DEPDC5: variants seen among roughly 807,000 people sequenced by gnomAD.
The protein encoded by DEPDC5 is GATOR1 complex protein DEPDC5.
Under a neutral mutation model 217.3 loss-of-function variants are expected in DEPDC5, and 73 were observed. The observed-to-expected ratio is 0.34, with a 90% CI of 0.28 to 0.41. DEPDC5 has a LOEUF of 0.41. Among genes scored for constraint, DEPDC5 ranks in the 10% least tolerant of loss-of-function variants. The pLI is 1.00. For missense variants in DEPDC5, 1,675 were observed against 2,070.1 expected, an observed-to-expected ratio of 0.81 and a Z score of 3.70; for synonymous variants, 733 against 756.7, an observed-to-expected ratio of 0.97 and a Z score of 0.51.
At chr22:31,805,484 T>C (rs2087402329) in intron 17 of DEPDC5, among the ~76,000 whole-genome samples, 3 of 152,008 alleles carry the variant, frequency 2.0e-5, no homozygotes, top group African/African-American at 7.2e-5. Flanking sequence ...TCTATCCTTC[T>C]CTGGGTTGTC....
At chr22:31,850,541 G>C (rs908452721) in intron 31 of DEPDC5, among the ~76,000 whole-genome samples, 1 of 152,166 alleles carries the variant, frequency 6.6e-6, no homozygotes, top group African/African-American at 2.4e-5. Flanking sequence ...TACATACAGG[G>C]CTTGGTACTA....
intron 2 of DEPDC5, among the ~76,000 whole-genome samples, chr22:31,757,035 G>A (rs1213800996): frequency 1.3e-5 from 2 of 151,862 alleles, no homozygotes; most frequent in Non-Finnish European, 2.9e-5. Context: ...TCCCTAAAGA[G>A]TTTTCAGTTT....
chr22:31,864,954 G>T (rs1010441468), intron 33 of DEPDC5, among the ~76,000 whole-genome samples: 7 of 141,506 alleles, frequency 4.9e-5, no homozygotes, highest in African/African-American at 2.2e-4. Context: ...GCCTCCCAAA[G>T]TGCTGGGATT....
chr22:31,897,114 C>CA (rs370146591), intron 39 of DEPDC5, among the ~76,000 whole-genome samples: 4,479 of 139,608 alleles, frequency 0.032, 64 homozygotes, highest in Middle Eastern at 0.056. Context: ...AAGACTGTCT[C>CA]AAAAAAAAAA....
At position 31,754,890 on chromosome 22, in the gene DEPDC5, C is replaced by T; in HGVS notation, c.-32C>T. 6.2e-7 allele frequency: 1 copy of T among 1,613,628 alleles called. No individual in the cohort carries two copies. ...GGCAAGATGACTTCTCTGCCCCAAG[C>T]TTGGAACAGCTAAAGGGAAAAACAG... On this transcript the variant is annotated 5_prime_UTR_variant, in exon 2 of 43. Transcript: ENST00000651528.
chr22:31,806,245 T>C lies in DEPDC5; in HGVS notation c.1287+54T>C, dbSNP rs1006536296. On this transcript the variant is annotated intron_variant, in intron 18 of 42. Coordinates refer to ENST00000651528, the MANE Select transcript of DEPDC5 (RefSeq NM_001242896.3). Reference sequence around the variant, plus strand: ...TCTTATTATGTGGTCCAGTCTTATCTTGAGCTCCTGGACTCAATCAGTCCT... The same window carrying C: ...TCTTATTATGTGGTCCAGTCTTATCCTGAGCTCCTGGACTCAATCAGTCCT... The C allele has an allele frequency of 2.0e-6, 3 of 1,496,308 alleles. No individual in the cohort carries two copies. The African/African-American group carries it at 4.2e-5, about 21-fold the overall frequency. 92.7% of individuals were successfully genotyped at this position (1,496,308 alleles called of 1,614,324 possible). A position where few individuals can be genotyped will look rare whatever the true frequency, so the allele number is the denominator to read the frequency against.
intron 41 of DEPDC5, among the ~76,000 whole-genome samples, chr22:31,903,385 C>T (rs1269284096): frequency 2.5e-5 from 1 of 40,230 alleles, no homozygotes; most frequent in Admixed American, 2.2e-4. Context: ...TAAACCCCCC[C>T]ACCTTCCACA....
intron 37 of DEPDC5, among the ~76,000 whole-genome samples, chr22:31,879,040 A>AC (rs1194900785): frequency 7.7e-6 from 1 of 129,054 alleles, no homozygotes; most frequent in East Asian, 2.1e-4. Flanking sequence ...AAAAAAAAAA[A>AC]AAAATATATA....
In DEPDC5 at chr22:31,805,785, C is replaced by T. The variant is rs57455723; in HGVS notation, c.1218-337C>T. Among the ~76,000 whole-genome samples, 301 of 152,246 alleles carry T rather than the reference C, an allele frequency of 2.0e-3. 2 individuals are homozygous for T. The highest frequency in any genetic ancestry group is 7.1e-3 in the African/African-American group (293 of 41,558). On this transcript the variant is annotated intron_variant, in intron 17 of 42. Transcript: ENST00000651528. ...TACTATTTGATATCATGATATTAGA[C>T]TGTTTTTGACCTACAAAAGTAGCAA...
At chr22:31,780,281 G>A (rs2084293033) in intron 8 of DEPDC5, among the ~76,000 whole-genome samples, 1 of 152,202 alleles carries the variant, frequency 6.6e-6, no homozygotes, top group African/African-American at 2.4e-5. Context: ...CTTGCTCATA[G>A]ATTGGATGTG....
At chr22:31,831,507 G>C (rs1293928545) in intron 24 of DEPDC5, among the ~76,000 whole-genome samples, 1 of 152,078 alleles carries the variant, frequency 6.6e-6, no homozygotes, top group East Asian at 1.9e-4. Context: ...GCCCAGGCTG[G>C]AGTGCAGTGG....
intron 18 of DEPDC5, among the ~76,000 whole-genome samples, chr22:31,807,793 G>A (rs2087732580): frequency 6.6e-6 from 1 of 152,150 alleles, no homozygotes; most frequent in Admixed American, 6.5e-5. Context: ...ATGTTTGCAG[G>A]CCCCACACCC....
chr22:31,815,588 A>T lies in DEPDC5; in HGVS notation c.1666+376A>T, dbSNP rs1232759907. Reference sequence around the variant, plus strand: ...TTTGTAGAGGTGGGGAAGTGCAGTGATGCAATCACAGCTCACCTCAGTGCG... The same window carrying T: ...TTTGTAGAGGTGGGGAAGTGCAGTGTTGCAATCACAGCTCACCTCAGTGCG... On this transcript the variant is annotated intron_variant, in intron 21 of 42. Coordinates refer to ENST00000651528, the MANE Select transcript of DEPDC5 (RefSeq NM_001242896.3). 9 of 615,330 alleles carry T rather than the reference A, an allele frequency of 1.5e-5. No individual in the cohort carries two copies. In the South Asian group the frequency reaches 1.8e-4, roughly 12 times the overall value. 38.1% of individuals were successfully genotyped at this position (615,330 alleles called of 1,614,324 possible).
chr22:31,802,923 A>AGT, intron 15 of DEPDC5, 85 bp downstream of exon 15: 1 of 1,450,448 alleles, frequency 6.9e-7, no homozygotes, highest in South Asian at 1.6e-5. Context: ...GACTTCTTAG[A>AGT]GTGTGAGGAG....
chr22:31,806,379 T>G lies in DEPDC5; in HGVS notation c.1287+188T>G, dbSNP rs551485135. 1.7e-3 allele frequency among the ~76,000 whole-genome samples: 259 copies of G among 152,364 alleles called. 11 individuals are homozygous for G. In the South Asian group the frequency reaches 0.051, roughly 30 times the overall value. The stretch of plus-strand genomic sequence containing the variant: ...AGAGCCTTTGTGGACTATCACGCAT[T>G]GATAGGGTTATTTTAGTCCTGAGGT... On this transcript the variant is annotated intron_variant, in intron 18 of 42. Coordinates refer to ENST00000651528, the MANE Select transcript of DEPDC5 (RefSeq NM_001242896.3).
chr22:31,828,891 T>C (rs768187613), intron 24 of DEPDC5, among the ~76,000 whole-genome samples: 2 of 152,194 alleles, frequency 1.3e-5, no homozygotes, highest in Non-Finnish European at 2.9e-5. Flanking sequence ...GTAATGACGA[T>C]GAAAGGAAAG....
At chr22:31,799,530 T>A (rs2086633028) in intron 14 of DEPDC5, among the ~76,000 whole-genome samples, 1 of 150,610 alleles carries the variant, frequency 6.6e-6, no homozygotes, top group African/African-American at 2.4e-5. Flanking sequence ...TCATCCAGGC[T>A]GGAATGTAGT....
intron 32 of DEPDC5, among the ~76,000 whole-genome samples, chr22:31,860,029 T>C (rs1205446478): frequency 6.6e-6 from 1 of 152,218 alleles, no homozygotes; most frequent in Non-Finnish European, 1.5e-5. Context: ...GCTGAGGACA[T>C]GACTGAAAAG....
chr22:31,823,532 CA>C (rs375009177), intron 24 of DEPDC5, among the ~76,000 whole-genome samples: 7,570 of 52,170 alleles, frequency 0.15, 114 homozygotes, highest in South Asian at 0.27. Flanking sequence ...GACTCCATCT[CA>C]AAAAAAAAAA....
Sources: gnomAD v4.1 joint callset for allele counts (sites outside exome capture counted in the v4.1 genomes callset) on GRCh38, gnomAD v4.1.1 for gene constraint, MANE v1.5 for transcripts, NCBI Gene and HGNC (gene_info 2026-07-23, HGNC 2026-07-21) for gene names.